ADAMTS12: variants seen among roughly 807,000 people sequenced by gnomAD.
The protein encoded by ADAMTS12 is ADAM metallopeptidase with thrombospondin type 1 motif 12.
ADAMTS12 carries 118 observed loss-of-function variants against 167.8 expected under a neutral mutation model. The observed-to-expected ratio is 0.70, with a 90% CI of 0.61 to 0.82. The LOEUF (loss-of-function observed/expected upper bound fraction) is 0.82, where lower values mean the gene tolerates loss of function less well. Ranked by LOEUF, ADAMTS12 falls within the 40% of genes least tolerant of loss-of-function variation. The pLI is 0.00. For synonymous variants in ADAMTS12, 704 were observed against 716.9 expected (o/e 0.98, Z 0.29); for missense variants, 1,916 against 1,998.8 (o/e 0.96, Z 0.79).
At chr5:33,828,639 A>C (rs1748182681) in intron 2 of ADAMTS12, among the ~76,000 whole-genome samples, 1 of 152,150 alleles carries the variant, frequency 6.6e-6, no homozygotes, top group Non-Finnish European at 1.5e-5. Flanking sequence ...TAATCCACCT[A>C]GGGTCCATAT....
chr5:33,616,205 T>A, intron 14 of ADAMTS12, 133 bp from the exon 15 acceptor site: 1 of 1,254,512 alleles, frequency 8.0e-7, no homozygotes, highest in Non-Finnish European at 1.1e-6. Flanking sequence ...GCCACTGGAA[T>A]TGGCAGAAGC....
chr5:33,687,263 T>C (rs1012796061), intron 3 of ADAMTS12, among the ~76,000 whole-genome samples: 6 of 152,156 alleles, frequency 3.9e-5, no homozygotes, highest in African/African-American at 9.7e-5. Flanking sequence ...TAAGCACTTA[T>C]GAAAGTTCAG....
chr5:33,758,534 G>A (rs548154015), intron 2 of ADAMTS12, among the ~76,000 whole-genome samples: 1 of 152,334 alleles, frequency 6.6e-6, no homozygotes, highest in African/African-American at 2.4e-5. Context: ...GCTGGAGAGA[G>A]AGGATGTGGA....
chr5:33,796,460 TAA>T (rs1746781563), intron 2 of ADAMTS12, among the ~76,000 whole-genome samples: 1 of 152,214 alleles, frequency 6.6e-6, no homozygotes, highest in African/African-American at 2.4e-5. Flanking sequence ...TTATGTATAT[TAA>T]TATAGGTATG....
chr5:33,630,755 T>C, intron 13 of ADAMTS12, 25 bp downstream of exon 13: 2 of 1,595,764 alleles, frequency 1.3e-6, no homozygotes, highest in South Asian at 2.2e-5. Context: ...TATAAAGTTG[T>C]AGATTAAGGA....
intron 3 of ADAMTS12, among the ~76,000 whole-genome samples, chr5:33,733,975 T>C (rs1744281112): frequency 6.7e-6 from 1 of 149,344 alleles, no homozygotes; most frequent in South Asian, 2.1e-4. Context: ...ACCCATCTGA[T>C]GTCAAAGCCT....
rs143319971 is a variant in ADAMTS12, at chr5:33,600,716, A to G, written c.2528-4656T>C. 9.6e-3 allele frequency among the ~76,000 whole-genome samples: 1,459 copies of G among 152,352 alleles called. 11 individuals carry two copies. The highest frequency in any genetic ancestry group is 0.016 in the Non-Finnish European group (1,112 of 68,028). On this transcript the variant is annotated intron_variant, in intron 16 of 23. Coordinates refer to ENST00000504830, the MANE Select transcript of ADAMTS12 (RefSeq NM_030955.4). ...TAACCATTTAAGTGAGAATGATACC[A>G]GTACAAGTTAAATTGCACATTAGCA...
chr5:33,553,216 CAG>C (rs1745335106), intron 20 of ADAMTS12, among the ~76,000 whole-genome samples: 1 of 152,106 alleles, frequency 6.6e-6, no homozygotes, highest in African/African-American at 2.4e-5. Context: ...AAAAAAATAA[CAG>C]ATGCTGATGA....
intron 22 of ADAMTS12, among the ~76,000 whole-genome samples, chr5:33,541,945 A>AC (rs1744721659): frequency 6.6e-6 from 1 of 152,216 alleles, no homozygotes; most frequent in Non-Finnish European, 1.5e-5. Flanking sequence ...GGGCAAAATA[A>AC]CCAGCTAGCA....
chr5:33,529,595 G>A (rs868232786), intron 23 of ADAMTS12, among the ~76,000 whole-genome samples: 4 of 152,110 alleles, frequency 2.6e-5, no homozygotes, highest in South Asian at 2.1e-4. Flanking sequence ...CCAAATTTGC[G>A]ACAGTATCTT....
intron 2 of ADAMTS12, among the ~76,000 whole-genome samples, chr5:33,857,888 G>A (rs1232723066): frequency 6.6e-6 from 1 of 152,208 alleles, no homozygotes; most frequent in Non-Finnish European, 1.5e-5. Context: ...CTGAAAGGAT[G>A]AATAGACAAA....
chr5:33,528,384 T>G (rs1248809850), intron 23 of ADAMTS12, among the ~76,000 whole-genome samples: 2 of 152,138 alleles, frequency 1.3e-5, no homozygotes, highest in African/African-American at 4.8e-5. Flanking sequence ...TGAGTTTTGG[T>G]TATCCCCCAC....
chr5:33,859,084 G>A (rs1003652490), intron 2 of ADAMTS12, among the ~76,000 whole-genome samples: 3 of 152,176 alleles, frequency 2.0e-5, no homozygotes, highest in Non-Finnish European at 1.5e-5. Flanking sequence ...ACTGGGTGGC[G>A]GTTTGGGCAG....
intron 2 of ADAMTS12, among the ~76,000 whole-genome samples, chr5:33,801,896 T>C (rs544608743): frequency 3.9e-4 from 59 of 152,346 alleles, no homozygotes; most frequent in African/African-American, 1.4e-3. Flanking sequence ...AAGATTGCTA[T>C]GGTCTGAATG....
chr5:33,839,920 ACTAG>A (rs1561301013), intron 2 of ADAMTS12, among the ~76,000 whole-genome samples: 1 of 152,254 alleles, frequency 6.6e-6, no homozygotes, highest in South Asian at 2.1e-4. Context: ...GAATCAAGTG[ACTAG>A]CTAGGAAGAA....
At chr5:33,878,828 G>A (rs1750321796) in intron 2 of ADAMTS12, among the ~76,000 whole-genome samples, 1 of 152,188 alleles carries the variant, frequency 6.6e-6, no homozygotes, top group Non-Finnish European at 1.5e-5. Flanking sequence ...TGGGGTTGGT[G>A]CATGGGTCCA....
intron 1 of ADAMTS12, among the ~76,000 whole-genome samples, chr5:33,889,650 C>T (rs970298670): frequency 7.9e-5 from 12 of 152,168 alleles, no homozygotes; most frequent in Admixed American, 7.2e-4. Context: ...TGGTGAAATG[C>T]TTTTAAAAAC....
At chr5:33,666,847 T>C (rs540945332) in intron 5 of ADAMTS12, among the ~76,000 whole-genome samples, 64 of 152,336 alleles carry the variant, frequency 4.2e-4, no homozygotes, top group Middle Eastern at 6.8e-3. Context: ...GTGTGTTTAC[T>C]CTATAACAGA....
At chr5:33,754,201 C>A (rs1318939791) in intron 2 of ADAMTS12, among the ~76,000 whole-genome samples, 1 of 152,192 alleles carries the variant, frequency 6.6e-6, no homozygotes, top group African/African-American at 2.4e-5. Context: ...TGGCCCCATA[C>A]TTTCCCTGAA....
Sources: gnomAD v4.1 joint callset for allele counts (sites outside exome capture counted in the v4.1 genomes callset) on GRCh38, gnomAD v4.1.1 for gene constraint, MANE v1.5 for transcripts, NCBI Gene and HGNC (gene_info 2026-07-23, HGNC 2026-07-21) for gene names.